The following BMPR1B variants were observed in gnomAD, a reference collection of about 807,000 sequenced individuals.
BMPR1B encodes the protein bone morphogenetic protein receptor type-1B.
Under a neutral mutation model 59.1 loss-of-function variants are expected in BMPR1B, and 12 were observed. The observed-to-expected ratio is 0.20, with a 90% CI of 0.13 to 0.33. The LOEUF is 0.33. Among genes scored for constraint, BMPR1B ranks in the 10% least tolerant of loss-of-function variants. BMPR1B has a pLI of 1.00. For synonymous variants in BMPR1B, 237 were observed against 207.3 expected (o/e 1.14, Z -1.23); for missense variants, 550 against 610.9 (o/e 0.90, Z 1.05).
At chr4:94,795,181 T>C (rs1318724573) in intron 1 of BMPR1B, among the ~76,000 whole-genome samples, 38 of 148,274 alleles carry the variant, frequency 2.6e-4, no homozygotes, top group African/African-American at 9.3e-4. Context: ...CTTATTATTT[T>C]GAAATATGTC....
intron 1 of BMPR1B, among the ~76,000 whole-genome samples, chr4:94,817,861 C>G (rs1204540763): frequency 6.6e-6 from 1 of 152,140 alleles, no homozygotes; most frequent in Non-Finnish European, 1.5e-5. Flanking sequence ...GTTTCTTATT[C>G]TGATGGAATG....
intron 4 of BMPR1B, among the ~76,000 whole-genome samples, chr4:95,107,457 G>T (rs535754520): frequency 6.6e-6 from 1 of 151,866 alleles, no homozygotes; most frequent in African/African-American, 2.4e-5. Flanking sequence ...AAATACAGAA[G>T]AAAGAAAAAC....
intron 5 of BMPR1B, among the ~76,000 whole-genome samples, chr4:95,115,053 T>C (rs1255840372): frequency 6.6e-6 from 1 of 152,134 alleles, no homozygotes; most frequent in African/African-American, 2.4e-5. Context: ...GATACACAAA[T>C]GGATACTATT....
At chr4:94,948,336 A>G (rs1319620250) in intron 2 of BMPR1B, among the ~76,000 whole-genome samples, 2 of 152,224 alleles carry the variant, frequency 1.3e-5, no homozygotes, top group African/African-American at 4.8e-5. Flanking sequence ...GATACCTGAA[A>G]TGAGGAATGT....
chr4:94,830,933 CTA>C (rs1724561114), intron 1 of BMPR1B, among the ~76,000 whole-genome samples: 5 of 152,050 alleles, frequency 3.3e-5, no homozygotes, highest in African/African-American at 1.2e-4. Flanking sequence ...TAATAAATGA[CTA>C]TGTTACAGGT....
At chr4:94,819,459 G>A (rs1364662818) in intron 1 of BMPR1B, among the ~76,000 whole-genome samples, 1 of 152,084 alleles carries the variant, frequency 6.6e-6, no homozygotes. Context: ...TTTCACAGGA[G>A]TTTTGATGGG....
intron 1 of BMPR1B, among the ~76,000 whole-genome samples, chr4:94,836,382 A>C (rs1384161916): frequency 2.1e-4 from 27 of 131,608 alleles, no homozygotes; most frequent in African/African-American, 7.0e-4. Flanking sequence ...CCAACAGTGT[A>C]AAAGTGTTCT....
intron 3 of BMPR1B, among the ~76,000 whole-genome samples, chr4:95,100,517 A>G (rs994351266): frequency 3.9e-5 from 6 of 152,134 alleles, no homozygotes; most frequent in Middle Eastern, 3.2e-3. Flanking sequence ...CAGTGTTACA[A>G]AATTTTACAG....
At chr4:94,780,390 T>C (rs894136490) in intron 1 of BMPR1B, among the ~76,000 whole-genome samples, 3 of 152,316 alleles carry the variant, frequency 2.0e-5, no homozygotes, top group African/African-American at 7.2e-5. Flanking sequence ...TCCCATTGCA[T>C]AGATAGACTA....
At chr4:94,902,634 A>G (rs1727876640) in intron 2 of BMPR1B, among the ~76,000 whole-genome samples, 1 of 152,032 alleles carries the variant, frequency 6.6e-6, no homozygotes, top group African/African-American at 2.4e-5. Context: ...ACAGCTTAAG[A>G]TATAGTCTGT....
intron 3 of BMPR1B, among the ~76,000 whole-genome samples, chr4:95,062,128 C>A (rs533518136): frequency 1.3e-5 from 2 of 152,176 alleles, no homozygotes; most frequent in African/African-American, 4.8e-5. Context: ...CTTCATAAAT[C>A]ATGCATTCTC....
At chr4:94,846,847 A>G (rs1462817508) in intron 1 of BMPR1B, among the ~76,000 whole-genome samples, 1 of 24,532 alleles carries the variant, frequency 4.1e-5, no homozygotes, top group South Asian at 2.2e-3. Context: ...AAACTACTCA[A>G]AAAAAAAAAA....
rs202226680 is a variant in BMPR1B at position 94,770,150 on chromosome 4, TTTTA to T, written c.-183+12086_-183+12089del. Among the ~76,000 whole-genome samples the T allele has an allele frequency of 6.9e-3, 1,042 of 151,656 alleles. 17 individuals carry two copies. The highest frequency in any genetic ancestry group is 0.024 in the African/African-American group (999 of 41,186). On this transcript the variant is annotated intron_variant, in intron 1 of 12. Transcript: ENST00000515059. ...TCCTGTCGTTCACCTGATCATTTGT[TTTTA>T]TTTGTTTGAATTGTCCTTCGTTTCT... is the stretch of plus-strand genomic sequence containing the variant.
intron 1 of BMPR1B, among the ~76,000 whole-genome samples, chr4:94,845,180 A>G (rs77264176): frequency 0.12 from 17,969 of 152,174 alleles, 1,110 homozygotes; most frequent in Non-Finnish European, 0.13. Flanking sequence ...TATAATTTAA[A>G]GAGTAAATAA....
chr4:94,813,499 C>T (rs910120345), intron 1 of BMPR1B, among the ~76,000 whole-genome samples: 8 of 151,876 alleles, frequency 5.3e-5, no homozygotes, highest in Non-Finnish European at 7.4e-5. Context: ...GAGAGTTTGG[C>T]GAGGGGAGCC....
chr4:94,845,090 G>GAA (rs35805649), intron 1 of BMPR1B, among the ~76,000 whole-genome samples: 3 of 151,770 alleles, frequency 2.0e-5, no homozygotes, highest in East Asian at 1.9e-4. Flanking sequence ...ACTAAAAGAT[G>GAA]AAAAAAATCA....
At chr4:94,929,995 C>T (rs1450263913) in intron 2 of BMPR1B, among the ~76,000 whole-genome samples, 3 of 152,024 alleles carry the variant, frequency 2.0e-5, no homozygotes, top group African/African-American at 7.2e-5. Flanking sequence ...GTCTTCAACT[C>T]AGTTTTTAAG....
At chr4:94,789,305 G>A (rs565747436) in intron 1 of BMPR1B, among the ~76,000 whole-genome samples, 1 of 152,184 alleles carries the variant, frequency 6.6e-6, no homozygotes, top group Non-Finnish European at 1.5e-5. Context: ...TCAACGTTGA[G>A]TGCTTTGTCA....
intron 3 of BMPR1B, among the ~76,000 whole-genome samples, chr4:95,062,858 C>T (rs933276311): frequency 1.3e-5 from 2 of 152,074 alleles, no homozygotes; most frequent in Admixed American, 6.5e-5. Flanking sequence ...TTCAAACTCT[C>T]CATTAATTAT....
Sources: gnomAD v4.1 joint callset for allele counts (sites outside exome capture counted in the v4.1 genomes callset) on GRCh38, gnomAD v4.1.1 for gene constraint, MANE v1.5 for transcripts, NCBI Gene and HGNC (gene_info 2026-07-23, HGNC 2026-07-21) for gene names.